Variants in NAV3 observed in about 807,000 individuals in gnomAD.
The protein encoded by NAV3 is pore membrane and/or filament interacting like protein 1.
A neutral mutation model predicts 244.7 loss-of-function variants in NAV3; 87 were observed. That is an observed-to-expected ratio of 0.36 (90% CI 0.30 to 0.42). The LOEUF (loss-of-function observed/expected upper bound fraction) is 0.42, where lower values mean the gene tolerates loss of function less well. Among genes scored for constraint, NAV3 ranks in the 20% least tolerant of loss-of-function variants. The pLI, the probability that NAV3 is intolerant of heterozygous loss-of-function variation, is 1.00. For synonymous variants in NAV3, 1,126 were observed against 1,042.2 expected (o/e 1.08, Z -1.55); for missense variants, 2,663 against 2,893.3 (o/e 0.92, Z 1.83).
At chr12:77,856,658 A>G (rs955886112) in intron 1 of NAV3, among the ~76,000 whole-genome samples, 2 of 152,184 alleles carry the variant, frequency 1.3e-5, no homozygotes, top group Admixed American at 6.5e-5. Context: ...TCTTAATATT[A>G]AATTATTTTA....
chr12:78,009,839 A>T (rs1874949898), intron 8 of NAV3, among the ~76,000 whole-genome samples: 1 of 152,200 alleles, frequency 6.6e-6, no homozygotes. Context: ...TAAAATTTTT[A>T]GCACACAGCC....
intron 18 of NAV3, among the ~76,000 whole-genome samples, chr12:78,133,961 C>A (rs1188469624): frequency 6.6e-6 from 1 of 152,144 alleles, no homozygotes; most frequent in African/African-American, 2.4e-5. Flanking sequence ...ATCTCATAAC[C>A]TGGTGAGACT....
chr12:77,880,106 A>G (rs1441859236), intron 1 of NAV3, among the ~76,000 whole-genome samples: 2 of 152,182 alleles, frequency 1.3e-5, no homozygotes, highest in African/African-American at 4.8e-5. Context: ...TGCTTCAACA[A>G]TAGGTGACAA....
chr12:77,607,901 G>A (rs182585502), intron 2 of NAV3, among the ~76,000 whole-genome samples: 32 of 152,168 alleles, frequency 2.1e-4, no homozygotes, highest in African/African-American at 5.8e-4. Context: ...AATTGGTGCC[G>A]AATAAATGTT....
intron 17 of NAV3, 102 bp downstream of exon 17, chr12:78,127,310 A>G (rs1955954582): frequency 1.7e-6 from 2 of 1,153,590 alleles, no homozygotes; most frequent in East Asian, 2.4e-5. Flanking sequence ...AGCACATGAC[A>G]TTGAGGACGA....
At chr12:77,852,475 G>A (rs1340398731) in intron 1 of NAV3, among the ~76,000 whole-genome samples, 2 of 152,068 alleles carry the variant, frequency 1.3e-5, no homozygotes, top group Admixed American at 6.5e-5. Context: ...GGAGGTGGAG[G>A]TTGTAGCGAG....
chr12:78,030,762 A>T (rs1878840626), intron 9 of NAV3, among the ~76,000 whole-genome samples: 1 of 152,240 alleles, frequency 6.6e-6, no homozygotes. Context: ...GCACATGGAA[A>T]CAACTAACTT....
At chr12:77,849,546 A>C (rs1309096092) in intron 1 of NAV3, among the ~76,000 whole-genome samples, 1 of 152,186 alleles carries the variant, frequency 6.6e-6, no homozygotes, top group African/African-American at 2.4e-5. Flanking sequence ...TGTTTCATGC[A>C]CAAAATTATT....
At chr12:77,955,991 A>G (rs538704647) in intron 3 of NAV3, among the ~76,000 whole-genome samples, 1 of 152,294 alleles carries the variant, frequency 6.6e-6, no homozygotes, top group Admixed American at 6.5e-5. Context: ...CTTGCCTGTA[A>G]AACTATATAC....
rs543390754 is a variant in NAV3 at position 77,697,217 on chromosome 12, A to C, written c.72+124951A>C. ...CTGAGTCCATTTCTCTCCCAGCCCT[A>C]CCTTGGCCTGTAGATGCACTATCAC... On this transcript the variant is annotated intron_variant, in intron 2 of 8. Coordinates refer to the NAV3 transcript ENST00000550042. 1.5e-4 allele frequency among the ~76,000 whole-genome samples: 23 copies of C among 152,070 alleles called. No individual in the cohort carries two copies. The South Asian group carries it at 4.8e-3, about 32-fold the overall frequency.
In NAV3 at chr12:78,007,332, C is replaced by A. The variant is rs1874409874; in HGVS notation, c.1794C>A (p.Thr598=). 6.2e-7 allele frequency: 1 copy of A among 1,614,056 alleles called. No homozygotes were observed. Among genetic ancestry groups the A allele is most frequent in the South Asian group, 1.1e-5 (1 of 91,092 alleles). ...AGQASPSGSC[T]MTVAQSSGQS... ...AAGCTTCTCCTTCTGGTTCCTGTACCATGACAGTGGCACAAAGCAGTGGGC... is the reference window on the plus strand; with the variant it reads ...AAGCTTCTCCTTCTGGTTCCTGTACAATGACAGTGGCACAAAGCAGTGGGC... Residue 598 remains threonine, a synonymous_variant, in exon 8 of 40, where the codon ACC becomes ACA. Coordinates refer to ENST00000397909, the MANE Select transcript of NAV3 (RefSeq NM_001024383.2).
At chr12:77,711,458 T>C (rs1876108927) in intron 2 of NAV3, among the ~76,000 whole-genome samples, 1 of 152,244 alleles carries the variant, frequency 6.6e-6, no homozygotes, top group South Asian at 2.1e-4. Context: ...TAATTTTCTT[T>C]TTAATCTCTT....
chr12:78,179,008 AG>A (rs1431487400), intron 28 of NAV3, among the ~76,000 whole-genome samples: 1 of 152,132 alleles, frequency 6.6e-6, no homozygotes, highest in Non-Finnish European at 1.5e-5. Flanking sequence ...AATGTCCAAA[AG>A]TAATATCTCT....
rs138033962 is a variant in NAV3, at chr12:77,809,557, A to C, written c.73-130762A>C. Among the ~76,000 whole-genome samples, 97 of 152,206 alleles carry C rather than the reference A, an allele frequency of 6.4e-4. 2 individuals are homozygous for C. Among genetic ancestry groups the C allele is most frequent in the Middle Eastern group, 3.4e-3 (1 of 294 alleles). ...CAGGTACCTCAGTTTTAACTGCAGA[A>C]ATCACCGGCCTTCTGCATTGATCTC... On this transcript the variant is annotated intron_variant, in intron 2 of 8. Coordinates refer to the NAV3 transcript ENST00000550042.
intron 1 of NAV3, among the ~76,000 whole-genome samples, chr12:77,922,821 T>C (rs1887836236): frequency 6.6e-6 from 1 of 152,196 alleles, no homozygotes; most frequent in Admixed American, 6.6e-5. Context: ...GGTAATGCTT[T>C]GAAATCAATT....
chr12:77,681,983 T>C (rs146580446), intron 2 of NAV3, among the ~76,000 whole-genome samples: 4 of 152,344 alleles, frequency 2.6e-5, no homozygotes, highest in Non-Finnish European at 5.9e-5. Context: ...TAATTTTTTG[T>C]GGTGAGGACA....
In NAV3 at chr12:77,887,800, C is replaced by CA. The variant is rs541360534; in HGVS notation, c.244-52515dup. ...AAATAACTAAACCTCATTTCATCCA[C>CA]AAAATTCAGTGAAGCTTATAACAAG... On this transcript the variant is annotated intron_variant, in intron 1 of 39. Coordinates refer to ENST00000397909, the MANE Select transcript of NAV3 (RefSeq NM_001024383.2). Among the ~76,000 whole-genome samples the CA allele has an allele frequency of 1.5e-3, 233 of 152,104 alleles. 1 individual carries two copies. The highest frequency in any genetic ancestry group is 9.1e-3 in the South Asian group (44 of 4,812).
At chr12:78,097,618 A>G (rs934574845) in intron 12 of NAV3, among the ~76,000 whole-genome samples, 1 of 152,208 alleles carries the variant, frequency 6.6e-6, no homozygotes, top group Non-Finnish European at 1.5e-5. Context: ...GTATATCCCA[A>G]AGCAAAAATC....
Position 78,007,113 on chromosome 12 carries a change from T to C in NAV3, c.1575T>C (p.Ser525=), listed in dbSNP as rs775577911. ...AKKESLIPSS[S]GIPKPGSKVP... ...AGGAAAGCTTAATTCCGTCTTCCAG[T>C]GGTATTCCAAAACCAGGCTCTAAAG... is the stretch of plus-strand genomic sequence containing the variant. Residue 525 remains serine (S), a synonymous_variant, in exon 8 of 40, where the codon AGT becomes AGC. Coordinates refer to ENST00000397909, the MANE Select transcript of NAV3 (RefSeq NM_001024383.2). 4.3e-6 allele frequency: 7 copies of C among 1,613,956 alleles called. No homozygotes were observed. The Admixed American group carries it at 8.3e-5, about 19-fold the overall frequency.
Sources: gnomAD v4.1 joint callset for allele counts (sites outside exome capture counted in the v4.1 genomes callset) on GRCh38, gnomAD v4.1.1 for gene constraint, MANE v1.5 for transcripts, NCBI Gene and HGNC (gene_info 2026-07-23, HGNC 2026-07-21) for gene names.